ZNF25: variants seen among roughly 807,000 people sequenced by gnomAD.
ZNF25 encodes zinc finger protein 25 (KOX 19).
A neutral mutation model predicts 30.9 loss-of-function variants in ZNF25; 21 were observed. That is an observed-to-expected ratio of 0.68 (90% CI 0.48 to 0.98). The LOEUF (loss-of-function observed/expected upper bound fraction) is 0.98, where lower values mean the gene tolerates loss of function less well. Among genes scored for constraint, ZNF25 ranks in the 50% least tolerant of loss-of-function variants. The pLI is 0.00. For missense variants in ZNF25, 501 were observed against 529.9 expected, an observed-to-expected ratio of 0.95 and a Z score of 0.54; for synonymous variants, 169 against 181.3, an observed-to-expected ratio of 0.93 and a Z score of 0.55.
rs1044358510 is a variant in ZNF25, at chr10:37,954,279, T to G, written c.239-521A>C. 2.0e-5 allele frequency among the ~76,000 whole-genome samples: 3 copies of G among 152,214 alleles called. No homozygotes were observed. In the East Asian group the frequency reaches 5.8e-4, roughly 29 times the overall value. On this transcript the variant is annotated intron_variant, in intron 4 of 5. Transcript: ENST00000302609. ...TAGCATTTAGCAGACAAACTTCTAC[T>G]TTATTTCCTCTTCATCCATCCACAG...
intron 2 of ZNF25, among the ~76,000 whole-genome samples, chr10:37,967,596 C>A (rs975421149): frequency 6.6e-6 from 1 of 151,940 alleles, no homozygotes; most frequent in Non-Finnish European, 1.5e-5. Flanking sequence ...TTTGCAGAGA[C>A]AGGGTCTTGT....
intron 2 of ZNF25, among the ~76,000 whole-genome samples, chr10:37,958,919 C>A (rs1221075557): frequency 1.3e-5 from 2 of 152,106 alleles, no homozygotes; most frequent in Non-Finnish European, 2.9e-5. Flanking sequence ...CGTGGTGGCA[C>A]ACACCTGTAG....
At chr10:37,966,956 T>C (rs1294863444) in intron 2 of ZNF25, among the ~76,000 whole-genome samples, 1 of 152,064 alleles carries the variant, frequency 6.6e-6, no homozygotes, top group Non-Finnish European at 1.5e-5. Context: ...TAAATTTAGA[T>C]CCAAAGACAC....
At chr10:37,962,765 G>GA (rs1463694382) in intron 2 of ZNF25, among the ~76,000 whole-genome samples, 21 of 152,020 alleles carry the variant, frequency 1.4e-4, no homozygotes, top group Admixed American at 1.4e-3. Context: ...GATAATAAAA[G>GA]AATACTAAGA....
chr10:37,967,993 A>G (rs748578959), intron 2 of ZNF25: 2 of 152,254 alleles, frequency 1.3e-5, no homozygotes, highest in Non-Finnish European at 2.9e-5. Context: ...CTTCATCATA[A>G]TTTGAAATGT....
chr10:37,969,210 T>G (rs2063352044), intron 2 of ZNF25, among the ~76,000 whole-genome samples: 1 of 152,152 alleles, frequency 6.6e-6, no homozygotes, highest in Non-Finnish European at 1.5e-5. Flanking sequence ...CTGTGGAAGT[T>G]TGGCAGTTCC....
At chr10:37,973,754 A>G (rs1036051904) in intron 1 of ZNF25, among the ~76,000 whole-genome samples, 1 of 152,158 alleles carries the variant, frequency 6.6e-6, no homozygotes, top group Non-Finnish European at 1.5e-5. Flanking sequence ...TACCAATGAC[A>G]TTCTTCACAG....
chr10:37,965,572 G>A (rs1276976480), intron 2 of ZNF25, among the ~76,000 whole-genome samples: 2 of 151,932 alleles, frequency 1.3e-5, no homozygotes, highest in African/African-American at 4.8e-5. Flanking sequence ...AAGAAATTAA[G>A]GCATTACAAG....
chr10:37,971,077 G>A (rs1023497649), intron 2 of ZNF25, among the ~76,000 whole-genome samples: 10 of 152,150 alleles, frequency 6.6e-5, no homozygotes, highest in African/African-American at 2.4e-4. Flanking sequence ...GCATTTGGGA[G>A]GCTAAGGCGG....
At chr10:37,969,914 C>A (rs2749592) in intron 2 of ZNF25, among the ~76,000 whole-genome samples, 38,922 of 151,986 alleles carry the variant, frequency 0.26, 6,132 homozygotes, top group South Asian at 0.48. Flanking sequence ...GAAAAAATAA[C>A]CATTCTCGAC....
intron 2 of ZNF25, among the ~76,000 whole-genome samples, chr10:37,967,404 G>A (rs1350006013): frequency 6.6e-6 from 1 of 151,594 alleles, no homozygotes; most frequent in Non-Finnish European, 1.5e-5. Context: ...ATGTATCTAC[G>A]ACCACATGAT....
At chr10:37,958,242 G>A (rs1309419372) in intron 2 of ZNF25, among the ~76,000 whole-genome samples, 2 of 152,126 alleles carry the variant, frequency 1.3e-5, no homozygotes, top group African/African-American at 2.4e-5. Context: ...CACAAATGGG[G>A]GTAATTATTT....
In ZNF25 at chr10:37,950,417, T is replaced by C. The variant is rs1302232389; in HGVS notation, c.*1710A>G. 1 of 152,562 alleles carries C rather than the reference T, an allele frequency of 6.6e-6. No homozygotes were observed. Among genetic ancestry groups the C allele is most frequent in the Non-Finnish European group, 1.5e-5 (1 of 68,036 alleles). 9.5% of individuals were successfully genotyped at this position (152,562 alleles called of 1,614,324 possible). On this transcript the variant is annotated 3_prime_UTR_variant, in exon 6 of 6. Transcript: ENST00000302609. ...ATACAAAAATGGGTAGTGGGCCAGA[T>C]CTGTCTGATGGACTGTCATTTGTCA... is the stretch of plus-strand genomic sequence containing the variant.
Position 37,970,045 on chromosome 10 carries a change from T to C in ZNF25, c.15+1663A>G, listed in dbSNP as rs192050447. ...AGCTCAGAAGAGCTGATGGTTAAGT[T>C]TTCAGAATCTGGCTGGCATGTTGTA... On this transcript the variant is annotated intron_variant, in intron 2 of 5. Coordinates refer to ENST00000302609, the MANE Select transcript of ZNF25 (RefSeq NM_145011.4). Among the ~76,000 whole-genome samples, 45 of 152,300 alleles carry C rather than the reference T, an allele frequency of 3.0e-4. No individual in the cohort carries two copies. The East Asian group carries it at 8.1e-3, about 28-fold the overall frequency.
chr10:37,975,040 T>C (rs1242021322), intron 1 of ZNF25, among the ~76,000 whole-genome samples: 1 of 152,164 alleles, frequency 6.6e-6, no homozygotes, highest in African/African-American at 2.4e-5. Flanking sequence ...TTCTCACTCA[T>C]ACGCAGGAGC....
At position 37,968,603 on chromosome 10, in the gene ZNF25, C is replaced by G. The variant is rs530570080; in HGVS notation, c.15+3105G>C. Among the ~76,000 whole-genome samples the G allele has an allele frequency of 2.8e-4, 43 of 152,292 alleles. No individual in the cohort carries two copies. The South Asian group carries it at 8.3e-3, about 29-fold the overall frequency. On this transcript the variant is annotated intron_variant, in intron 2 of 5. Coordinates refer to ENST00000302609, the MANE Select transcript of ZNF25 (RefSeq NM_145011.4). Reference sequence around the variant, plus strand: ...CTCCTGACCTCAAGTGATCCACCCACCCTGGCCTCCCAAAATGCTGGGATT... The same window carrying G: ...CTCCTGACCTCAAGTGATCCACCCAGCCTGGCCTCCCAAAATGCTGGGATT...
chr10:37,970,647 T>C (rs2063437475), intron 2 of ZNF25, among the ~76,000 whole-genome samples: 1 of 152,204 alleles, frequency 6.6e-6, no homozygotes, highest in South Asian at 2.1e-4. Context: ...CAATGTTTTC[T>C]ACAGTCTACC....
intron 2 of ZNF25, among the ~76,000 whole-genome samples, chr10:37,969,021 T>C (rs2063340519): frequency 6.6e-6 from 1 of 151,710 alleles, no homozygotes. Context: ...AAAAGCACAA[T>C]AGAAGATGTT....
rs2062125920 is a variant in ZNF25 at position 37,951,212 on chromosome 10, A to G, written c.*915T>C. 1 of 152,294 alleles carries G rather than the reference A, an allele frequency of 6.6e-6. No individual in the cohort carries two copies. The allele number at this position is 152,294 out of a possible 1,614,324, so 9.4% of individuals were successfully genotyped here. A position where few individuals can be genotyped will look rare whatever the true frequency, so the allele number is the denominator to read the frequency against. ...ATATTACACTTACAATACAAATATT[A>G]ACAACCAGAGTCACTACTGAGACTT... On this transcript the variant is annotated 3_prime_UTR_variant, in exon 6 of 6. Coordinates refer to ENST00000302609, the MANE Select transcript of ZNF25 (RefSeq NM_145011.4).
Sources: allele counts gnomAD v4.1 joint callset (sites outside exome capture counted in the v4.1 genomes callset), GRCh38; gene constraint gnomAD v4.1.1; transcripts MANE v1.5; gene names NCBI Gene and HGNC (gene_info 2026-07-23, HGNC 2026-07-21).